KCNQ1: variants seen among roughly 807,000 people sequenced by gnomAD.
The protein encoded by KCNQ1 is potassium voltage-gated channel subfamily Q member 1.
Under a neutral mutation model 72.4 loss-of-function variants are expected in KCNQ1, and 49 were observed. The ratio of observed to expected loss-of-function variants is 0.68; its 90% CI spans 0.54 to 0.86. The LOEUF is 0.86. Among genes scored for constraint, KCNQ1 ranks in the 40% least tolerant of loss-of-function variants. The pLI, the probability that KCNQ1 is intolerant of heterozygous loss-of-function variation, is 0.00. For synonymous variants in KCNQ1, 450 were observed against 412.6 expected (o/e 1.09, Z -1.10); for missense variants, 790 against 945.1 (o/e 0.84, Z 2.15).
Position 2,565,690 on chromosome 11 carries a change from C to A in KCNQ1, c.478-4938C>A, listed in dbSNP as rs1054147603. Among the ~76,000 whole-genome samples the A allele has an allele frequency of 2.0e-5, 3 of 152,140 alleles. No individual in the cohort carries two copies. Among genetic ancestry groups the A allele is most frequent in the African/African-American group, 4.8e-5 (2 of 41,420 alleles). ...AGAAACTCATTGCTTTCAGGCCTTG[C>A]TAGAAAAGCATACAGTCGAACGAGT... On this transcript the variant is annotated intron_variant, in intron 2 of 15. Transcript: ENST00000155840. The surrounding 1 kb of genome is among the most constrained non-coding windows in gnomAD (Gnocchi z 5.6).
rs141112718 is a variant in KCNQ1, at chr11:2,808,877, G to A, written c.1794+30840G>A. Reference sequence around the variant, plus strand: ...TAGGGGAGGGATAAATGGATGGATGGATGAACACATGGACAATGGGTGGGT... The same window carrying A: ...TAGGGGAGGGATAAATGGATGGATGAATGAACACATGGACAATGGGTGGGT... On this transcript the variant is annotated intron_variant, in intron 15 of 15. Coordinates refer to ENST00000155840, the MANE Select transcript of KCNQ1 (RefSeq NM_000218.3). This position sits in a 1 kb window ranked among gnomAD's most constrained non-coding sequence, Gnocchi z 6.0. Among the ~76,000 whole-genome samples, 55 of 152,256 alleles carry A rather than the reference G, an allele frequency of 3.6e-4. No homozygotes were observed. The East Asian group carries it at 9.5e-3, about 26-fold the overall frequency.
Position 2,496,438 on chromosome 11 carries a change from GAAAAAAT to G in KCNQ1, c.387-31471_387-31465del, listed in dbSNP as rs1223277961. Among the ~76,000 whole-genome samples the G allele has an allele frequency of 5.1e-3, 550 of 107,396 alleles. 6 individuals carry two copies. Among genetic ancestry groups the G allele is most frequent in the African/African-American group, 0.017 (486 of 28,078 alleles). 70.5% of individuals were successfully genotyped at this position (107,396 alleles called of 152,430 possible). On this transcript the variant is annotated intron_variant, in intron 1 of 15. Coordinates refer to ENST00000155840, the MANE Select transcript of KCNQ1 (RefSeq NM_000218.3). ...GGCAAAAGAGTGAGACTCCATCTCAGAAAAAATAAAAAATAAAAAATAAAATTAAAAA... is the reference window on the plus strand; with the variant it reads ...GGCAAAAGAGTGAGACTCCATCTCAGAAAAAATAAAAAATAAAATTAAAAA...
Position 2,673,332 on chromosome 11 carries a change from G to A in KCNQ1, c.1514+11251G>A, listed in dbSNP as rs1850220976. 2 of 398,640 alleles carry A rather than the reference G, an allele frequency of 5.0e-6. No individual in the cohort carries two copies. The highest frequency in any genetic ancestry group is 2.1e-5 in the African/African-American group (1 of 48,642). 24.7% of individuals were successfully genotyped at this position (398,640 alleles called of 1,614,324 possible). A position where few individuals can be genotyped will look rare whatever the true frequency, so the allele number is the denominator to read the frequency against. On this transcript the variant is annotated intron_variant, in intron 11 of 15. Coordinates refer to ENST00000155840, the MANE Select transcript of KCNQ1 (RefSeq NM_000218.3). The surrounding 1 kb of genome is among the most constrained non-coding windows in gnomAD (Gnocchi z 4.5). ...CCCACAGGCTACCAGGCCAGCTTTT[G>A]GAAACAGTCTCATTAGCAAACAAAG...
chr11:2,445,161 A>T lies in KCNQ1; in HGVS notation c.63A>T (p.Pro21=). The part of the protein sequence containing the change: ...ERKRWGWGRL[P]GARRGSAGLA... The stretch of plus-strand genomic sequence containing the variant: ...AGCGCTGGGGTTGGGGCCGCCTGCC[A>T]GGCGCCCGGCGGGGCAGCGCGGGCC... Residue 21 remains proline (P), a synonymous_variant, in exon 1 of 16, where the codon CCA becomes CCT. Transcript: ENST00000155840. 1 of 1,136,142 alleles carries T rather than the reference A, an allele frequency of 8.8e-7. No homozygotes were observed. Among genetic ancestry groups the T allele is most frequent in the Non-Finnish European group, 1.1e-6 (1 of 923,574 alleles). 70.4% of individuals were successfully genotyped at this position (1,136,142 alleles called of 1,614,324 possible). A position where few individuals can be genotyped will look rare whatever the true frequency, so the allele number is the denominator to read the frequency against.
chr11:2,671,485 A>T lies in KCNQ1; in HGVS notation c.1514+9404A>T, dbSNP rs752940536. 1.1e-4 allele frequency: 45 copies of T among 398,502 alleles called. No homozygotes were observed. Among genetic ancestry groups the T allele is most frequent in the Non-Finnish European group, 1.9e-4 (42 of 226,086 alleles). The allele number at this position is 398,502 out of a possible 1,614,324, so 24.7% of individuals were successfully genotyped here. A position where few individuals can be genotyped will look rare whatever the true frequency, so the allele number is the denominator to read the frequency against. ...CAGGGGATATACACAAAGATCTGAG[A>T]AAGGGATTATTTTTAGGGCCAATTC... On this transcript the variant is annotated intron_variant, in intron 11 of 15. Coordinates refer to ENST00000155840, the MANE Select transcript of KCNQ1 (RefSeq NM_000218.3). The surrounding 1 kb of genome is among the most constrained non-coding windows in gnomAD (Gnocchi z 4.7).
rs546865135 is a variant in KCNQ1, at chr11:2,694,619, GA to G, written c.1514+32540del. The G allele has an allele frequency of 4.5e-5, 18 of 398,580 alleles. No individual in the cohort carries two copies. The South Asian group carries it at 1.7e-3, about 37-fold the overall frequency. The allele number at this position is 398,580 out of a possible 1,614,324, so 24.7% of individuals were successfully genotyped here. ...TGGCCTCTTCCTTCGTTCAATAAAT[GA>G]ATGAAACCATTCAACAGAAATCTGT... is the stretch of plus-strand genomic sequence containing the variant. On this transcript the variant is annotated intron_variant, in intron 11 of 15. Transcript: ENST00000155840.
intron 15 of KCNQ1, among the ~76,000 whole-genome samples, chr11:2,790,912 G>A (rs1322977343): frequency 6.6e-6 from 1 of 152,198 alleles, no homozygotes; most frequent in Non-Finnish European, 1.5e-5. Context: ...GCTTTCCCCA[G>A]CTATCCAGCG....
chr11:2,741,595 C>T (rs762927930), intron 11 of KCNQ1, among the ~76,000 whole-genome samples: 8 of 152,194 alleles, frequency 5.3e-5, no homozygotes, highest in African/African-American at 1.2e-4. Flanking sequence ...GAGCTCTGTT[C>T]GGGTCTCTAT....
chr11:2,685,248 A>G (rs1850465495), intron 11 of KCNQ1: 1 of 398,560 alleles, frequency 2.5e-6, no homozygotes, highest in Non-Finnish European at 4.4e-6. Flanking sequence ...TCCCATTACC[A>G]AACTCCAGGG....
At chr11:2,705,578 T>A (rs1193744205) in intron 11 of KCNQ1, among the ~76,000 whole-genome samples, 1 of 152,010 alleles carries the variant, frequency 6.6e-6, no homozygotes, top group Non-Finnish European at 1.5e-5. Flanking sequence ...CCACAAAGCA[T>A]CCCAAGCTCG....
rs567891719 is a variant in KCNQ1 at position 2,495,054 on chromosome 11, T to A, written c.387-32874T>A. ...TCTATTCAGGGATTCGACTTTTTCC[T>A]GGTTTAGTCTTGGAGGGTGTATGTG... On this transcript the variant is annotated intron_variant, in intron 1 of 15. Transcript: ENST00000155840. The surrounding 1 kb of genome is among the most constrained non-coding windows in gnomAD (Gnocchi z 4.6). Among the ~76,000 whole-genome samples the A allele has an allele frequency of 2.2e-4, 33 of 152,202 alleles. No individual in the cohort carries two copies. Among genetic ancestry groups the A allele is most frequent in the Non-Finnish European group, 3.8e-4 (26 of 68,044 alleles).
In KCNQ1 at chr11:2,848,575, G is replaced by T; in HGVS notation, c.*572G>T. The T allele has an allele frequency of 2.2e-6, 1 of 454,120 alleles. No homozygotes were observed. The allele number at this position is 454,120 out of a possible 1,614,324, so 28.1% of individuals were successfully genotyped here. A position where few individuals can be genotyped will look rare whatever the true frequency, so the allele number is the denominator to read the frequency against. On this transcript the variant is annotated 3_prime_UTR_variant, in exon 16 of 16. Coordinates refer to ENST00000155840, the MANE Select transcript of KCNQ1 (RefSeq NM_000218.3). ...TGACCCATGGGCAGGAGACTGTGGA[G>T]ACTGCTCCTGAGCCCCCAGCTTCCA...
Position 2,588,975 on chromosome 11 carries a change from C to G in KCNQ1, c.1393+121C>G, listed in dbSNP as rs944489062. 5 of 1,194,736 alleles carry G rather than the reference C, an allele frequency of 4.2e-6. No individual in the cohort carries two copies. Among genetic ancestry groups the G allele is most frequent in the Non-Finnish European group, 6.0e-6 (5 of 835,370 alleles). 74.0% of individuals were successfully genotyped at this position (1,194,736 alleles called of 1,614,324 possible). A position where few individuals can be genotyped will look rare whatever the true frequency, so the allele number is the denominator to read the frequency against. The stretch of plus-strand genomic sequence containing the variant: ...GTGGTCTCTGACAACGAGGTATGAA[C>G]AGACAGAGGGTGGAGCTTCTAGAAA... On this transcript the variant is annotated intron_variant, in intron 10 of 15. Transcript: ENST00000155840. The surrounding 1 kb of genome is among the most constrained non-coding windows in gnomAD (Gnocchi z 5.6).
intron 10 of KCNQ1, among the ~76,000 whole-genome samples, chr11:2,606,104 C>T (rs978517700): frequency 6.6e-6 from 1 of 152,042 alleles, no homozygotes; most frequent in Non-Finnish European, 1.5e-5. Flanking sequence ...TAGGTAAATT[C>T]GCACTGTTGT....
rs1846422025 is a variant in KCNQ1, at chr11:2,762,647, C to G, written c.1515-6197C>G. 6.6e-6 allele frequency among the ~76,000 whole-genome samples: 1 copy of G among 152,334 alleles called. No individual in the cohort carries two copies. The highest frequency in any genetic ancestry group is 2.1e-4 in the South Asian group (1 of 4,826). ...TGGCAAGTGAACGTGATCACCTGAG[C>G]TCCGCCTCCTGTCAGATCAGTGGTG... On this transcript the variant is annotated intron_variant, in intron 11 of 15. Coordinates refer to ENST00000155840, the MANE Select transcript of KCNQ1 (RefSeq NM_000218.3). This position sits in a 1 kb window ranked among gnomAD's most constrained non-coding sequence, Gnocchi z 4.3.
rs575258382 is a variant in KCNQ1, at chr11:2,457,152, T to C, written c.386+11668T>C. Reference sequence around the variant, plus strand: ...GTTTAAAAAGTCTCAAAACAACAGATGCTGGAGAGGCAGTAGAGAAAGGGG... The same window carrying C: ...GTTTAAAAAGTCTCAAAACAACAGACGCTGGAGAGGCAGTAGAGAAAGGGG... On this transcript the variant is annotated intron_variant, in intron 1 of 15. Transcript: ENST00000155840. The surrounding 1 kb of genome is among the most constrained non-coding windows in gnomAD (Gnocchi z 5.0). Among the ~76,000 whole-genome samples, 67 of 152,226 alleles carry C rather than the reference T, an allele frequency of 4.4e-4. No individual in the cohort carries two copies. The highest frequency in any genetic ancestry group is 2.3e-3 in the South Asian group (11 of 4,818).
At chr11:2,655,660 GA>G (rs944092813) in intron 10 of KCNQ1, 4 of 398,398 alleles carry the variant, frequency 1.0e-5, no homozygotes, top group African/African-American at 6.2e-5. Flanking sequence ...AGTGTGTCTG[GA>G]AAGAGCTGAA....
chr11:2,673,593 A>G lies in KCNQ1; in HGVS notation c.1514+11512A>G. The G allele has an allele frequency of 2.5e-6, 1 of 398,738 alleles. No homozygotes were observed. Among genetic ancestry groups the G allele is most frequent in the Non-Finnish European group, 4.4e-6 (1 of 226,150 alleles). 24.7% of individuals were successfully genotyped at this position (398,738 alleles called of 1,614,324 possible). A position where few individuals can be genotyped will look rare whatever the true frequency, so the allele number is the denominator to read the frequency against. On this transcript the variant is annotated intron_variant, in intron 11 of 15. Coordinates refer to ENST00000155840, the MANE Select transcript of KCNQ1 (RefSeq NM_000218.3). The surrounding 1 kb of genome is among the most constrained non-coding windows in gnomAD (Gnocchi z 4.5). ...GAAGACCCTATTACTTGGGCTAAAG[A>G]GAAGCTAAACGTGACCAGCCTACCC... is the stretch of plus-strand genomic sequence containing the variant.
At chr11:2,646,497 C>T in intron 10 of KCNQ1, 1 of 398,548 alleles carries the variant, frequency 2.5e-6, no homozygotes, top group East Asian at 3.6e-5. Flanking sequence ...GGCTAATTTG[C>T]TGTTTCACAG....
Sources: allele counts gnomAD v4.1 joint callset (sites outside exome capture counted in the v4.1 genomes callset), GRCh38; gene constraint gnomAD v4.1.1; non-coding constraint Gnocchi (gnomAD v3.1); transcripts MANE v1.5; gene names NCBI Gene and HGNC (gene_info 2026-07-23, HGNC 2026-07-21).